CCDC178: variants seen among roughly 807,000 people sequenced by gnomAD.
CCDC178 encodes coiled-coil domain-containing protein 178.
Under a neutral mutation model 117.4 loss-of-function variants are expected in CCDC178, and 126 were observed. The observed-to-expected ratio is 1.07, with a 90% confidence interval of 0.93 to 1.24. The LOEUF is 1.24. Ranked by LOEUF, CCDC178 falls within the 50% of genes most tolerant of loss-of-function variation. The pLI, the probability that CCDC178 is intolerant of heterozygous loss-of-function variation, is 0.00. For missense variants in CCDC178, 1,030 were observed against 986.9 expected, an observed-to-expected ratio of 1.04 and a Z score of -0.59; for synonymous variants, 283 against 313.4, an observed-to-expected ratio of 0.90 and a Z score of 1.02.
rs912302942 is a variant in CCDC178, at chr18:33,043,549, A to G, written c.2388+49212T>C. On this transcript the variant is annotated intron_variant, in intron 21 of 22. Coordinates refer to ENST00000383096, the MANE Select transcript of CCDC178 (RefSeq NM_001105528.4). Reference sequence around the variant, plus strand: ...GGCGTATTTTAAGTCCTATTTAAGCATTTGTAAAATTAAACATAACATAAT... The same window carrying G: ...GGCGTATTTTAAGTCCTATTTAAGCGTTTGTAAAATTAAACATAACATAAT... Among the ~76,000 whole-genome samples the G allele has an allele frequency of 5.3e-5, 8 of 152,220 alleles. 2 individuals are homozygous for G. The highest frequency in any genetic ancestry group is 5.2e-4 in the Admixed American group (8 of 15,280).
intron 20 of CCDC178, among the ~76,000 whole-genome samples, chr18:33,116,694 G>A (rs1226326155): frequency 2.0e-5 from 3 of 146,432 alleles, no homozygotes; most frequent in African/African-American, 7.9e-5. Flanking sequence ...AACTAGAAAT[G>A]CACTCAGGTG....
intron 15 of CCDC178, among the ~76,000 whole-genome samples, chr18:33,229,590 G>A (rs2059347424): frequency 1.3e-5 from 2 of 152,264 alleles, no homozygotes; most frequent in South Asian, 4.1e-4. Context: ...ACACAAAGCT[G>A]GCAATTGATG....
At chr18:33,223,928 C>T (rs2144627913) in intron 17 of CCDC178, among the ~76,000 whole-genome samples, 1 of 152,202 alleles carries the variant, frequency 6.6e-6, no homozygotes, top group East Asian at 1.9e-4. Context: ...TGCTTCATGA[C>T]CTTATACACG....
intron 15 of CCDC178, among the ~76,000 whole-genome samples, chr18:33,241,749 C>A (rs1331105879): frequency 2.0e-5 from 3 of 151,254 alleles, no homozygotes; most frequent in African/African-American, 7.3e-5. Flanking sequence ...ACATCCAATG[C>A]TCATGGATTG....
intron 21 of CCDC178, among the ~76,000 whole-genome samples, chr18:32,979,190 T>A (rs773943932): frequency 2.0e-5 from 3 of 152,002 alleles, no homozygotes; most frequent in Non-Finnish European, 4.4e-5. Context: ...AGAGTCTTAC[T>A]TTGTCGCCCA....
chr18:33,428,991 T>C (rs1028834446), intron 2 of CCDC178, among the ~76,000 whole-genome samples: 2 of 146,176 alleles, frequency 1.4e-5, no homozygotes, highest in Non-Finnish European at 3.0e-5. Flanking sequence ...ACCATAGAAT[T>C]AGTCTCAAAA....
At chr18:33,331,608 T>A (rs2062670546) in intron 10 of CCDC178, among the ~76,000 whole-genome samples, 1 of 152,126 alleles carries the variant, frequency 6.6e-6, no homozygotes, top group African/African-American at 2.4e-5. Flanking sequence ...CCTACCTACA[T>A]CTCATTAGAA....
chr18:33,305,386 C>T (rs1208867137), intron 11 of CCDC178, among the ~76,000 whole-genome samples: 2 of 152,078 alleles, frequency 1.3e-5, no homozygotes, highest in Non-Finnish European at 2.9e-5. Context: ...AGGACACTCA[C>T]CCCAAATCAG....
intron 6 of CCDC178, among the ~76,000 whole-genome samples, chr18:33,360,518 C>G (rs1040573982): frequency 6.6e-6 from 1 of 151,262 alleles, no homozygotes; most frequent in Non-Finnish European, 1.5e-5. Context: ...TTATTTATAT[C>G]TAATATCCAG....
chr18:33,230,201 T>C lies in CCDC178; in HGVS notation c.1594-3346A>G, dbSNP rs145304819. 2.8e-4 allele frequency among the ~76,000 whole-genome samples: 42 copies of C among 152,164 alleles called. No individual in the cohort carries two copies. The East Asian group carries it at 7.7e-3, about 28-fold the overall frequency. ...CTGAATATGCATCACTTTCACACCA[T>C]GGTAAAGTTGAAAAACTGTAAGTGG... On this transcript the variant is annotated intron_variant, in intron 15 of 22. Transcript: ENST00000383096.
intron 15 of CCDC178, among the ~76,000 whole-genome samples, chr18:33,243,376 A>C (rs1464350687): frequency 6.6e-6 from 1 of 151,862 alleles, no homozygotes; most frequent in East Asian, 1.9e-4. Flanking sequence ...ATACATTTTC[A>C]AATAGCTAGA....
At chr18:33,275,805 T>C (rs1568108057) in intron 12 of CCDC178, among the ~76,000 whole-genome samples, 2 of 151,778 alleles carry the variant, frequency 1.3e-5, no homozygotes, top group Admixed American at 6.6e-5. Context: ...GTTTCTAAAT[T>C]TTTTTCTACC....
chr18:32,984,916 A>G (rs1265024011), intron 21 of CCDC178, among the ~76,000 whole-genome samples: 1 of 151,876 alleles, frequency 6.6e-6, no homozygotes, highest in Non-Finnish European at 1.5e-5. Flanking sequence ...AAATGTGGCC[A>G]AATAAATGGT....
At chr18:33,334,391 A>C (rs1221912430) in intron 9 of CCDC178, among the ~76,000 whole-genome samples, 3 of 152,040 alleles carry the variant, frequency 2.0e-5, no homozygotes, top group Non-Finnish European at 4.4e-5. Flanking sequence ...AATTTTAAGC[A>C]CAGGGATTTC....
chr18:33,126,997 A>ATATATATATAT (rs1555647859), intron 20 of CCDC178, among the ~76,000 whole-genome samples: 2 of 141,184 alleles, frequency 1.4e-5, no homozygotes, highest in African/African-American at 5.4e-5. Flanking sequence ...AAAAAAAAAA[A>ATATATATATAT]ATATATATAT....
intron 15 of CCDC178, among the ~76,000 whole-genome samples, chr18:33,227,530 GTA>G (rs201443197): frequency 0.033 from 3,523 of 107,084 alleles, 66 homozygotes; most frequent in Middle Eastern, 0.067. Context: ...AAAGATATAT[GTA>G]TGTGTGTGTG....
chr18:33,092,395 C>G (rs2057479581), intron 21 of CCDC178, among the ~76,000 whole-genome samples: 1 of 151,924 alleles, frequency 6.6e-6, no homozygotes. Flanking sequence ...GAATTTGGAG[C>G]CTCTATACTA....
chr18:33,350,956 A>G (rs2062968730), intron 7 of CCDC178, among the ~76,000 whole-genome samples: 1 of 152,054 alleles, frequency 6.6e-6, no homozygotes, highest in African/African-American at 2.4e-5. Context: ...TCCTGTTCTT[A>G]AGATAAAAAC....
Position 33,112,142 on chromosome 18 carries a change from T to C in CCDC178, c.2239-19232A>G, listed in dbSNP as rs554481660. ...AAAAATTTAAGGTAAGTAATGAACA[T>C]AGTCTTTCTTATTTTCAATAAGAAA... is the stretch of plus-strand genomic sequence containing the variant. On this transcript the variant is annotated intron_variant, in intron 20 of 22. Coordinates refer to ENST00000383096, the MANE Select transcript of CCDC178 (RefSeq NM_001105528.4). Among the ~76,000 whole-genome samples, 3 of 151,860 alleles carry C rather than the reference T, an allele frequency of 2.0e-5. No homozygotes were observed. In the South Asian group the frequency reaches 6.2e-4, roughly 31 times the overall value.
Sources: allele counts gnomAD v4.1 joint callset (sites outside exome capture counted in the v4.1 genomes callset), GRCh38; gene constraint gnomAD v4.1.1; transcripts MANE v1.5; gene names NCBI Gene and HGNC (gene_info 2026-07-23, HGNC 2026-07-21).